Variants in PTPRQ observed in about 807,000 individuals in gnomAD.
PTPRQ encodes the protein phosphatidylinositol phosphatase PTPRQ.
PTPRQ carries 199 observed loss-of-function variants against 246.0 expected under a neutral mutation model. The ratio of observed to expected loss-of-function variants is 0.81; its 90% CI spans 0.72 to 0.91. The LOEUF (loss-of-function observed/expected upper bound fraction) is 0.91. Among genes scored for constraint, PTPRQ ranks in the 40% least tolerant of loss-of-function variants. The probability of loss-of-function intolerance (pLI) is 0.00; values close to 1 mark genes in which losing one functional copy is unlikely to be tolerated. For synonymous variants in PTPRQ, 869 were observed against 853.2 expected, an observed-to-expected ratio of 1.02 and a Z score of -0.32; for missense variants, 2,624 against 2,528.4, an observed-to-expected ratio of 1.04 and a Z score of -0.81.
At chr12:80,497,358 T>G (rs538949393) in intron 14 of PTPRQ, among the ~76,000 whole-genome samples, 9 of 152,042 alleles carry the variant, frequency 5.9e-5, no homozygotes, top group African/African-American at 2.2e-4. Context: ...CAATTCACAA[T>G]AGAGTTTGCG....
intron 3 of PTPRQ, among the ~76,000 whole-genome samples, chr12:80,446,075 G>A (rs1892544378): frequency 6.6e-6 from 1 of 151,772 alleles, no homozygotes; most frequent in Admixed American, 6.6e-5. Context: ...TTTGAATGCA[G>A]GTATGTAAAC....
chr12:80,628,666 A>C (rs1011334956), intron 33 of PTPRQ, among the ~76,000 whole-genome samples: 4 of 152,186 alleles, frequency 2.6e-5, no homozygotes, highest in Non-Finnish European at 2.9e-5. Context: ...TGCCCAGTAC[A>C]TCTCTCAGAC....
At chr12:80,606,842 C>T (rs779065627) in intron 27 of PTPRQ, among the ~76,000 whole-genome samples, 10 of 150,570 alleles carry the variant, frequency 6.6e-5, no homozygotes, top group Middle Eastern at 3.2e-3. Flanking sequence ...ATAATTAGCA[C>T]GAATGATGAA....
chr12:80,566,437 C>G (rs555168957), intron 25 of PTPRQ, among the ~76,000 whole-genome samples: 1 of 152,062 alleles, frequency 6.6e-6, no homozygotes, highest in African/African-American at 2.4e-5. Context: ...AAGATTGCAC[C>G]AGTGCACTCC....
At chr12:80,606,855 C>A (rs571629520) in intron 27 of PTPRQ, among the ~76,000 whole-genome samples, 4 of 150,360 alleles carry the variant, frequency 2.7e-5, no homozygotes, top group Non-Finnish European at 6.0e-5. Flanking sequence ...ATGATGAATG[C>A]CCTGGGAATA....
At chr12:80,478,124 G>A (rs557494016) in intron 8 of PTPRQ, among the ~76,000 whole-genome samples, 126 of 151,068 alleles carry the variant, frequency 8.3e-4, no homozygotes, top group Non-Finnish European at 1.5e-3. Flanking sequence ...AGACTTAAAT[G>A]TCCCTGTCTG....
intron 38 of PTPRQ, among the ~76,000 whole-genome samples, chr12:80,655,840 C>G (rs1206496412): frequency 6.6e-6 from 1 of 152,022 alleles, no homozygotes; most frequent in Non-Finnish European, 1.5e-5. Context: ...TGTTTCTCTC[C>G]CCTGAGTAAT....
intron 8 of PTPRQ, among the ~76,000 whole-genome samples, chr12:80,480,042 C>T (rs983572672): frequency 1.3e-5 from 2 of 151,990 alleles, no homozygotes; most frequent in Non-Finnish European, 2.9e-5. Context: ...ATCTACAGAA[C>T]TCTCCACCCC....
At chr12:80,571,255 C>G (rs1897138797) in intron 25 of PTPRQ, among the ~76,000 whole-genome samples, 1 of 152,150 alleles carries the variant, frequency 6.6e-6, no homozygotes. Flanking sequence ...AGTGATTCTC[C>G]TGCCTCAGCC....
At chr12:80,569,045 A>C (rs936089556) in intron 25 of PTPRQ, among the ~76,000 whole-genome samples, 3 of 152,050 alleles carry the variant, frequency 2.0e-5, no homozygotes, top group Non-Finnish European at 4.4e-5. Flanking sequence ...GTTTCTGTTC[A>C]AGTCATTACT....
At chr12:80,456,089 A>G (rs934660386) in intron 3 of PTPRQ, among the ~76,000 whole-genome samples, 5 of 152,194 alleles carry the variant, frequency 3.3e-5, no homozygotes, top group Non-Finnish European at 7.3e-5. Context: ...TAACATCAAT[A>G]TCTTCTTTGA....
In PTPRQ at chr12:80,620,214, A is replaced by G. The variant is rs1277106828; in HGVS notation, c.5450A>G (p.Tyr1817Cys). The G allele has an allele frequency of 2.6e-6, 4 of 1,549,210 alleles. No homozygotes were observed. The highest frequency in any genetic ancestry group is 2.4e-5 in the East Asian group (1 of 40,826). ...GCATATTTTAATAAAGCAAGGCCATATTTTACAAATGAAGGCTTTCCTAAC... is the reference window on the plus strand; with the variant it reads ...GCATATTTTAATAAAGCAAGGCCATGTTTTACAAATGAAGGCTTTCCTAAC... ...YDAYFNKARP[Y>C]FTNEGFPNPP... The change falls in exon 32 of 45, where the codon TAT becomes TGT. Residue 1817 changes from tyrosine to cysteine, a missense_variant. Coordinates refer to ENST00000644991, the MANE Select transcript of PTPRQ (RefSeq NM_001145026.2).
At chr12:80,554,771 C>T (rs548631746) in intron 25 of PTPRQ, among the ~76,000 whole-genome samples, 3 of 152,108 alleles carry the variant, frequency 2.0e-5, no homozygotes, top group Admixed American at 6.6e-5. Flanking sequence ...GAGACAATAT[C>T]GCACTATGTC....
At chr12:80,575,103 G>T (rs1029832466) in intron 25 of PTPRQ, among the ~76,000 whole-genome samples, 1 of 152,086 alleles carries the variant, frequency 6.6e-6, no homozygotes, top group Non-Finnish European at 1.5e-5. Flanking sequence ...ATTCTTAGCT[G>T]CTTTTGCAAA....
intron 26 of PTPRQ, among the ~76,000 whole-genome samples, chr12:80,597,877 A>G (rs756098100): frequency 1.3e-5 from 2 of 151,938 alleles, no homozygotes; most frequent in Non-Finnish European, 2.9e-5. Flanking sequence ...TTTGAGGACC[A>G]CTGTTGTAGA....
At chr12:80,570,959 C>G (rs1360110754) in intron 25 of PTPRQ, among the ~76,000 whole-genome samples, 1 of 152,104 alleles carries the variant, frequency 6.6e-6, no homozygotes, top group Non-Finnish European at 1.5e-5. Flanking sequence ...TGTTTGGTAC[C>G]AGTACCATGC....
intron 7 of PTPRQ, among the ~76,000 whole-genome samples, chr12:80,471,625 G>C (rs4272839): frequency 0.96 from 105,369 of 109,544 alleles, 50,958 homozygotes; most frequent in African/African-American, 0.99. Flanking sequence ...CTACAGGCGC[G>C]CGCCACTACG....
intron 25 of PTPRQ, among the ~76,000 whole-genome samples, chr12:80,576,119 A>G (rs1016799043): frequency 3.9e-5 from 6 of 152,066 alleles, no homozygotes; most frequent in African/African-American, 2.4e-5. Context: ...TTTAATCAAT[A>G]AAGTTTTTCT....
chr12:80,538,187 A>G (rs1896046391), intron 19 of PTPRQ, among the ~76,000 whole-genome samples: 1 of 152,216 alleles, frequency 6.6e-6, no homozygotes, highest in South Asian at 2.1e-4. Context: ...TTCTGACTAT[A>G]TTTATATAAA....
Sources: allele counts gnomAD v4.1 joint callset (sites outside exome capture counted in the v4.1 genomes callset), GRCh38; gene constraint gnomAD v4.1.1; transcripts MANE v1.5; gene names NCBI Gene and HGNC (gene_info 2026-07-23, HGNC 2026-07-21).